NECAB2: variants seen among roughly 807,000 people sequenced by gnomAD.
NECAB2 encodes the protein N-terminal EF-hand calcium-binding protein 2.
A neutral mutation model predicts 51.9 loss-of-function variants in NECAB2; 68 were observed. That is an observed-to-expected ratio of 1.31 (90% confidence interval 1.08 to 1.60). NECAB2 has a LOEUF of 1.60. NECAB2 is among the 40% of genes most tolerant of loss of function. The pLI, the probability that NECAB2 is intolerant of heterozygous loss-of-function variation, is 0.00. For synonymous variants in NECAB2, 329 were observed against 203.5 expected, an observed-to-expected ratio of 1.62 and a Z score of -5.25; for missense variants, 854 against 490.3, an observed-to-expected ratio of 1.74 and a Z score of -7.00.
chr16:83,997,276 C>G lies in NECAB2; in HGVS notation c.849+7C>G. 6.2e-7 allele frequency: 1 copy of G among 1,614,068 alleles called. No individual in the cohort carries two copies. The highest frequency in any genetic ancestry group is 1.3e-5 in the African/African-American group (1 of 75,016). Reference sequence around the variant, plus strand: ...TGAAGATGGCACCAACATGGTGAGGCCCCTTCCCACCTCTCTTCTGGGACC... The same window carrying G: ...TGAAGATGGCACCAACATGGTGAGGGCCCTTCCCACCTCTCTTCTGGGACC... On this transcript the variant is annotated splice_region_variant and intron_variant, in intron 9 of 12. Coordinates refer to ENST00000305202, the MANE Select transcript of NECAB2 (RefSeq NM_019065.3).
chr16:83,978,026 C>T (rs1447083125), intron 2 of NECAB2, among the ~76,000 whole-genome samples: 19 of 152,180 alleles, frequency 1.2e-4, no homozygotes, highest in Admixed American at 1.2e-3. Context: ...TAGCACCTGC[C>T]TCCAGGTGGC....
intron 2 of NECAB2, among the ~76,000 whole-genome samples, chr16:83,972,987 T>G (rs1454513438): frequency 6.6e-6 from 1 of 152,236 alleles, no homozygotes; most frequent in Non-Finnish European, 1.5e-5. Flanking sequence ...GGCCTTGGTT[T>G]TCCCGTGGGT....
intron 5 of NECAB2, among the ~76,000 whole-genome samples, chr16:83,986,889 A>G (rs2084563726): frequency 6.6e-6 from 1 of 152,070 alleles, no homozygotes; most frequent in South Asian, 2.1e-4. Context: ...TGCTCCAGGG[A>G]GGGTAGGAGT....
At chr16:83,998,515 C>G (rs992879377) in intron 10 of NECAB2, among the ~76,000 whole-genome samples, 198 bp downstream of exon 10, 1 of 152,178 alleles carries the variant, frequency 6.6e-6, no homozygotes, top group African/African-American at 2.4e-5. Context: ...GTGTCTTCAT[C>G]TCCCTGGCAT....
At chr16:83,998,437 C>G (rs188296947) in intron 10 of NECAB2, 120 bp downstream of exon 10, 19 of 885,922 alleles carry the variant, frequency 2.1e-5, no homozygotes, top group Middle Eastern at 3.1e-4. Flanking sequence ...GGGACACACA[C>G]AGCTGGATGC....
chr16:83,980,643 G>T (rs1267968133), intron 3 of NECAB2, among the ~76,000 whole-genome samples, 196 bp from the exon 4 acceptor site: 1 of 152,124 alleles, frequency 6.6e-6, no homozygotes, highest in African/African-American at 2.4e-5. Context: ...GTGGTGTGGG[G>T]GATCAGACAG....
chr16:83,991,596 C>T lies in NECAB2; in HGVS notation c.596+966C>T, dbSNP rs191244834. On this transcript the variant is annotated intron_variant, in intron 6 of 12. Coordinates refer to ENST00000305202, the MANE Select transcript of NECAB2 (RefSeq NM_019065.3). The stretch of plus-strand genomic sequence containing the variant: ...TGGCCAGGCTGGTCTTTAGGGTGAT[C>T]CACCCGCCTCAGCCTCCAGGTGCTG... 3.4e-3 allele frequency among the ~76,000 whole-genome samples: 520 copies of T among 150,738 alleles called. 5 individuals are homozygous for T. The highest frequency in any genetic ancestry group is 0.012 in the African/African-American group (487 of 41,052).
chr16:84,001,721 A>G, intron 11 of NECAB2, 104 bp from the exon 12 acceptor site: 3 of 1,257,112 alleles, frequency 2.4e-6, no homozygotes, highest in Non-Finnish European at 3.4e-6. Context: ...CCCCGTGCTT[A>G]TTGATAAGCT....
chr16:83,965,487 G>A (rs773745484), upstream of NECAB2: 16 of 1,610,338 alleles, frequency 9.9e-6, no homozygotes, highest in East Asian at 2.5e-4. Context: ...CTCTACGCCC[G>A]CCACTACAAC....
At chr16:83,980,779 G>A in intron 3 of NECAB2, 60 bp from the exon 4 acceptor site, 3 of 1,543,392 alleles carry the variant, frequency 1.9e-6, no homozygotes, top group Non-Finnish European at 2.6e-6. Flanking sequence ...GCTGTGCAGG[G>A]TCAGGCCTGC....
At chr16:83,995,643 TTTTG>T (rs1418851546) in intron 8 of NECAB2, among the ~76,000 whole-genome samples, 1 of 152,120 alleles carries the variant, frequency 6.6e-6, no homozygotes, top group Non-Finnish European at 1.5e-5. Flanking sequence ...TTTCTCCTAC[TTTTG>T]TGTATTTTTT....
chr16:83,984,928 C>G (rs1220941113), intron 5 of NECAB2, among the ~76,000 whole-genome samples: 1 of 152,088 alleles, frequency 6.6e-6, no homozygotes, highest in Non-Finnish European at 1.5e-5. Context: ...TATTTCCTCC[C>G]TCTTATAACT....
chr16:83,997,478 CCTTTTTT>C (rs1273361154), intron 9 of NECAB2, among the ~76,000 whole-genome samples: 1 of 105,056 alleles, frequency 9.5e-6, no homozygotes, highest in African/African-American at 3.3e-5. Context: ...GCTCCCTGGA[CCTTTTTT>C]TTTTTTTTTT....
intron 8 of NECAB2, 39 bp from the exon 9 acceptor site, chr16:83,997,177 G>A: frequency 6.2e-7 from 1 of 1,613,700 alleles, no homozygotes; most frequent in South Asian, 1.1e-5. Context: ...GCGGAGTGGG[G>A]CTCTGGGTCT....
chr16:84,000,683 T>C, intron 10 of NECAB2, 41 bp from the exon 11 acceptor site: 1 of 1,597,248 alleles, frequency 6.3e-7, no homozygotes, highest in Non-Finnish European at 8.6e-7. Context: ...GTGGCCTTGG[T>C]TGAGCTCCAG....
At chr16:83,985,767 TTGAA>T (rs1176036255) in intron 5 of NECAB2, among the ~76,000 whole-genome samples, 2 of 152,198 alleles carry the variant, frequency 1.3e-5, no homozygotes, top group African/African-American at 4.8e-5. Context: ...TAAGATAAAA[TTGAA>T]TGACCAGAAA....
At chr16:83,974,371 C>G (rs2151085595) in intron 2 of NECAB2, among the ~76,000 whole-genome samples, 1 of 152,290 alleles carries the variant, frequency 6.6e-6, no homozygotes, top group African/African-American at 2.4e-5. Context: ...TAGATAGTTG[C>G]TCTCCTGGCT....
intron 6 of NECAB2, chr16:83,993,258 C>G (rs968587994): frequency 3.3e-5 from 5 of 152,222 alleles, no homozygotes; most frequent in African/African-American, 9.7e-5. Context: ...CCGTCATGGT[C>G]TGAGGGATAC....
chr16:83,984,260 G>T (rs1352581061), intron 5 of NECAB2, among the ~76,000 whole-genome samples: 2 of 151,786 alleles, frequency 1.3e-5, no homozygotes. Flanking sequence ...CTCCCAAAGT[G>T]CTGGGATTAC....
Sources: gnomAD v4.1 joint callset for allele counts (sites outside exome capture counted in the v4.1 genomes callset) on GRCh38, gnomAD v4.1.1 for gene constraint, MANE v1.5 for transcripts, NCBI Gene and HGNC (gene_info 2026-07-23, HGNC 2026-07-21) for gene names.